ZMYM5: variants seen among roughly 807,000 people sequenced by gnomAD.
ZMYM5 encodes the protein zinc finger MYM-type protein 5.
In ZMYM5, 41 loss-of-function variants were observed where a neutral mutation model predicts 61.8. The ratio of observed to expected loss-of-function variants is 0.66; its 90% CI spans 0.52 to 0.86. The LOEUF (loss-of-function observed/expected upper bound fraction) is 0.86, where lower values mean the gene tolerates loss of function less well. Among genes scored for constraint, ZMYM5 ranks in the 40% least tolerant of loss-of-function variants. The pLI is 0.00. For missense variants in ZMYM5, 706 were observed against 786.7 expected (o/e 0.90, Z 1.23); for synonymous variants, 257 against 276.4 (o/e 0.93, Z 0.70).
At chr13:19,825,279 T>A in intron 7 of ZMYM5, 44 bp from the exon 8 acceptor site, 1 of 1,188,612 alleles carries the variant, frequency 8.4e-7, no homozygotes, top group African/African-American at 1.6e-5. Context: ...GTTAAACTTT[T>A]AAAAATTAAT....
intron 2 of ZMYM5, among the ~76,000 whole-genome samples, chr13:19,857,011 C>T (rs968615855): frequency 6.6e-6 from 1 of 152,040 alleles, no homozygotes; most frequent in East Asian, 1.9e-4. Flanking sequence ...GAGGCTGAGG[C>T]AGGAGAATGG....
intron 6 of ZMYM5, chr13:19,837,416 CTTGT>C (rs1355628319): frequency 1.3e-6 from 2 of 1,503,908 alleles, no homozygotes; most frequent in Non-Finnish European, 1.8e-6. Context: ...AAACAATTGC[CTTGT>C]TTATGAGCAC....
At chr13:19,860,936 G>A (rs1726046965) in intron 2 of ZMYM5, among the ~76,000 whole-genome samples, 1 of 89,024 alleles carries the variant, frequency 1.1e-5, no homozygotes, top group Non-Finnish European at 2.2e-5. Context: ...ATATGCGCAC[G>A]TGTGTGTGTG....
At position 19,850,477 on chromosome 13, in the gene ZMYM5, T is replaced by C. The variant is rs183962706; in HGVS notation, c.586+878A>G. On this transcript the variant is annotated intron_variant, in intron 4 of 7. Transcript: ENST00000337963. ...AGCCAGGCATGGAGACGGGCGTGCT[T>C]GTAATCCCAGCTACCTGGGAGGCTG... Among the ~76,000 whole-genome samples, 726 of 152,036 alleles carry C rather than the reference T, an allele frequency of 4.8e-3. 8 individuals are homozygous for C. The highest frequency in any genetic ancestry group is 0.017 in the African/African-American group (703 of 41,478).
chr13:19,858,402 T>C (rs1024222117), intron 2 of ZMYM5, among the ~76,000 whole-genome samples: 6 of 151,546 alleles, frequency 4.0e-5, no homozygotes, highest in South Asian at 2.1e-4. Context: ...CTAGGCAACA[T>C]GGCGAAACCT....
chr13:19,838,632 T>TA, intron 5 of ZMYM5, 68 bp downstream of exon 5: 4 of 1,551,712 alleles, frequency 2.6e-6, no homozygotes, highest in Non-Finnish European at 2.6e-6. Flanking sequence ...GCTCTGCAGT[T>TA]ATATTGAGTA....
intron 4 of ZMYM5, among the ~76,000 whole-genome samples, 166 bp from the exon 5 acceptor site, chr13:19,839,151 T>C (rs1430464032): frequency 1.3e-5 from 2 of 152,198 alleles, no homozygotes; most frequent in Non-Finnish European, 2.9e-5. Context: ...CTATCCACTT[T>C]GTATCTCAAG....
At position 19,852,009 on chromosome 13, in the gene ZMYM5, C is replaced by A. The variant is rs1490059397; in HGVS notation, c.172G>T (p.Asp58Tyr). The A allele has an allele frequency of 6.2e-7, 1 of 1,613,866 alleles. No individual in the cohort carries two copies. Among genetic ancestry groups the A allele is most frequent in the Non-Finnish European group, 8.5e-7 (1 of 1,179,946 alleles). Reference sequence around the variant, plus strand: ...ATAGATTCAATAAACACAACATCATCATCATCATCATCATCTTCCACTGGT... The same window carrying A: ...ATAGATTCAATAAACACAACATCATAATCATCATCATCATCTTCCACTGGT... Reference protein sequence around the residue: ...NSPVEDDDDDDDVVFIESIQP... With the variant: ...NSPVEDDDDDYDVVFIESIQP... The change falls in exon 3 of 8, where the codon GAT becomes TAT. Residue 58 changes from aspartate (D) to tyrosine (Y), a missense_variant. By Grantham distance (160) the Asp-to-Tyr change is radical. Around this residue, in one of 2 missense-constraint regions of ZMYM5, gnomAD observed 480 missense variants for 461.7 expected, o/e 1.04. Coordinates refer to ENST00000337963, the MANE Select transcript of ZMYM5 (RefSeq NM_001142684.2).
At chr13:19,836,911 A>G (rs1472437427) in intron 6 of ZMYM5, among the ~76,000 whole-genome samples, 4 of 152,234 alleles carry the variant, frequency 2.6e-5, no homozygotes, top group Middle Eastern at 6.8e-3. Flanking sequence ...AACAGCATAC[A>G]TTCACTCCAC....
intron 4 of ZMYM5, among the ~76,000 whole-genome samples, chr13:19,848,127 T>C (rs1953150210): frequency 6.6e-6 from 1 of 151,848 alleles, no homozygotes; most frequent in Admixed American, 6.6e-5. Flanking sequence ...CATGCCACCA[T>C]ACCCAGCTAA....
chr13:19,827,893 CCTGTAGTCCCAG>C (rs1184730686), intron 7 of ZMYM5, among the ~76,000 whole-genome samples: 1 of 151,624 alleles, frequency 6.6e-6, no homozygotes, highest in Non-Finnish European at 1.5e-5. Flanking sequence ...GTGGTGGGCG[CCTGTAGTCCCAG>C]CTACTCGGGA....
chr13:19,831,804 A>C (rs1253389206), intron 7 of ZMYM5, among the ~76,000 whole-genome samples: 2 of 150,724 alleles, frequency 1.3e-5, no homozygotes, highest in African/African-American at 4.9e-5. Flanking sequence ...AAAAAAAAAA[A>C]AAAAAAAAAA....
At position 19,835,605 on chromosome 13, in the gene ZMYM5, G is replaced by T; in HGVS notation, c.1123C>A (p.Leu375Ile). The stretch of plus-strand genomic sequence containing the variant: ...CAGTGTTCACAGCAGTTCATTATTA[G>T]ACCATTGGCCAATCTGTACTTATTA... ...CFNKYRLANG[L>I]IMNCCEHCGE... Residue 375 changes from leucine to isoleucine, a missense_variant, in exon 7 of 8, where the codon CTA (leucine) becomes ATA (isoleucine). Physicochemically the swap from Leu to Ile is conservative, Grantham distance 5. Around this residue, in one of 2 missense-constraint regions of ZMYM5, gnomAD observed 480 missense variants for 461.7 expected, o/e 1.04. Coordinates refer to ENST00000337963, the MANE Select transcript of ZMYM5 (RefSeq NM_001142684.2). 7.3e-7 allele frequency: 1 copy of T among 1,367,612 alleles called. No individual in the cohort carries two copies. Among genetic ancestry groups the T allele is most frequent in the Non-Finnish European group, 9.8e-7 (1 of 1,021,834 alleles). The allele number at this position is 1,367,612 out of a possible 1,614,324, so 84.7% of individuals were successfully genotyped here.
chr13:19,824,708 G>A lies in ZMYM5; in HGVS notation c.1779C>T (p.Cys593=). 7.4e-7 allele frequency: 1 copy of A among 1,354,536 alleles called. No homozygotes were observed. Among genetic ancestry groups the A allele is most frequent in the Non-Finnish European group, 9.8e-7 (1 of 1,016,552 alleles). 83.9% of individuals were successfully genotyped at this position (1,354,536 alleles called of 1,614,324 possible). A position where few individuals can be genotyped will look rare whatever the true frequency, so the allele number is the denominator to read the frequency against. The change falls in exon 8 of 8, where the codon TGC becomes TGT. Residue 593 remains cysteine (C), a synonymous_variant. Coordinates refer to ENST00000337963, the MANE Select transcript of ZMYM5 (RefSeq NM_001142684.2). ...TSKDSVFCLY[C]KLFGEGKNQL... ...GATTTTTTCCTTCCCCAAAGAGTTT[G>A]CAATATAGACAAAACACAGAATCTT...
At chr13:19,850,485 C>T (rs1257226207) in intron 4 of ZMYM5, among the ~76,000 whole-genome samples, 2 of 152,038 alleles carry the variant, frequency 1.3e-5, no homozygotes, top group Non-Finnish European at 2.9e-5. Flanking sequence ...CTTGTAATCC[C>T]AGCTACCTGG....
chr13:19,851,927 G>A lies in ZMYM5; in HGVS notation c.254C>T (p.Ala85Val). The A allele has an allele frequency of 6.2e-7, 1 of 1,613,216 alleles. No individual in the cohort carries two copies. The highest frequency in any genetic ancestry group is 1.3e-5 in the African/African-American group (1 of 74,942). Reference sequence around the variant, plus strand: ...TTGAGGCTTTTCATTTTTTGATGATGCAAATATGAAGTTTCTTTGATCAGC... The same window carrying A: ...TTGAGGCTTTTCATTTTTTGATGATACAAATATGAAGTTTCTTTGATCAGC... ...AIADQRNFIFASSKNEKPQGN... is the reference protein window; with the variant it reads ...AIADQRNFIFVSSKNEKPQGN... The change falls in exon 3 of 8, where the codon GCA (alanine) becomes GTA (valine). Residue 85 changes from alanine to valine, a missense_variant. Ala to Val is a moderately conservative substitution (Grantham distance 64). Transcript: ENST00000337963.
chr13:19,838,938 G>C lies in ZMYM5; in HGVS notation c.634C>G (p.Pro212Ala), dbSNP rs769278619. 1.9e-6 allele frequency: 3 copies of C among 1,613,972 alleles called. No homozygotes were observed. Among genetic ancestry groups the C allele is most frequent in the African/African-American group, 2.7e-5 (2 of 74,906 alleles). Residue 212 changes from proline to alanine, a missense_variant, in exon 5 of 8, where the codon CCA becomes GCA. By Grantham distance (27) the Pro-to-Ala change is conservative (BLOSUM62 -1). Coordinates refer to ENST00000337963, the MANE Select transcript of ZMYM5 (RefSeq NM_001142684.2). Reference sequence around the variant, plus strand: ...ACTGGTGATAAAGAATCCACCCCTGGCTGTTTCTGATTACTGGGAAATGAA... The same window carrying C: ...ACTGGTGATAAAGAATCCACCCCTGCCTGTTTCTGATTACTGGGAAATGAA... ...SASFPSNQKQ[P>A]GVDSLSPVAL...
intron 4 of ZMYM5, among the ~76,000 whole-genome samples, chr13:19,840,134 TC>T (rs1484162418): frequency 6.6e-6 from 1 of 152,234 alleles, no homozygotes; most frequent in African/African-American, 2.4e-5. Flanking sequence ...TATTTTGTAA[TC>T]TATCTTCAAA....
intron 2 of ZMYM5, among the ~76,000 whole-genome samples, chr13:19,853,570 G>A (rs1484311801): frequency 6.6e-6 from 1 of 151,614 alleles, no homozygotes; most frequent in African/African-American, 2.4e-5. Context: ...TGGGATTACA[G>A]GAATGAGCCA....
Sources: allele counts gnomAD v4.1 joint callset (sites outside exome capture counted in the v4.1 genomes callset), GRCh38; gene constraint gnomAD v4.1.1; regional missense constraint gnomAD v4.1.1; transcripts MANE v1.5; gene names NCBI Gene and HGNC (gene_info 2026-07-23, HGNC 2026-07-21).